The following TNPO3 variants were observed in gnomAD, a reference collection of about 807,000 sequenced individuals.
TNPO3 encodes the protein transportin 3.
A neutral mutation model predicts 122.8 loss-of-function variants in TNPO3; 65 were observed. The observed-to-expected ratio is 0.53, with a 90% CI of 0.43 to 0.65. The LOEUF is 0.65. Ranked by LOEUF, TNPO3 falls within the 30% of genes least tolerant of loss-of-function variation. TNPO3 has a pLI of 0.00. For missense variants in TNPO3, 850 were observed against 1,136.7 expected, an observed-to-expected ratio of 0.75 and a Z score of 3.63; for synonymous variants, 372 against 411.2, an observed-to-expected ratio of 0.90 and a Z score of 1.15.
chr7:129,022,676 A>G (rs1271783665), intron 1 of TNPO3, among the ~76,000 whole-genome samples: 1 of 152,198 alleles, frequency 6.6e-6, no homozygotes, highest in Admixed American at 6.5e-5. Flanking sequence ...AAAGGAAAAA[A>G]TTAGATTATC....
At chr7:129,025,455 C>T (rs1805029308) in intron 1 of TNPO3, among the ~76,000 whole-genome samples, 2 of 138,810 alleles carry the variant, frequency 1.4e-5, no homozygotes. Flanking sequence ...AGTATAAAAC[C>T]ATAAAGAAAC....
chr7:129,026,394 A>ATTT lies in TNPO3; in HGVS notation c.121-8240_121-8238dup, dbSNP rs969403916. Reference sequence around the variant, plus strand: ...TTCAAGCTCCTTTGATGACGTTTGAATTTTTTTTTTTTTTTTTTTTTTTTT... The same window carrying ATTT: ...TTCAAGCTCCTTTGATGACGTTTGAATTTTTTTTTTTTTTTTTTTTTTTTTTTT... On this transcript the variant is annotated intron_variant, in intron 1 of 22. Coordinates refer to ENST00000265388, the MANE Select transcript of TNPO3 (RefSeq NM_012470.4). Among the ~76,000 whole-genome samples the ATTT allele has an allele frequency of 3.1e-3, 292 of 94,620 alleles. 1 individual carries two copies. The highest frequency in any genetic ancestry group is 8.9e-3 in the African/African-American group (199 of 22,464). 62.1% of individuals were successfully genotyped at this position (94,620 alleles called of 152,430 possible). A position where few individuals can be genotyped will look rare whatever the true frequency, so the allele number is the denominator to read the frequency against.
chr7:129,050,944 A>G (rs1195284444), intron 1 of TNPO3, among the ~76,000 whole-genome samples: 1 of 152,238 alleles, frequency 6.6e-6, no homozygotes, highest in African/African-American at 2.4e-5. Flanking sequence ...TCCCTAGGAC[A>G]GTGTTTATGG....
At chr7:128,976,760 C>T (rs1585329257) in intron 16 of TNPO3, among the ~76,000 whole-genome samples, 1 of 152,328 alleles carries the variant, frequency 6.6e-6, no homozygotes, top group East Asian at 1.9e-4. Flanking sequence ...GATCTTATTA[C>T]ATAAATTCAA....
intron 4 of TNPO3, among the ~76,000 whole-genome samples, chr7:129,013,362 G>A (rs1456922287): frequency 6.7e-6 from 1 of 150,016 alleles, no homozygotes; most frequent in Non-Finnish European, 1.5e-5. Flanking sequence ...TACAGAATGG[G>A]AGGAAATATT....
At position 128,975,904 on chromosome 7, in the gene TNPO3, G is replaced by A. The variant is rs1377865762; in HGVS notation, c.2093C>T (p.Ser698Phe). The A allele has an allele frequency of 2.5e-6, 4 of 1,613,926 alleles. No homozygotes were observed. The highest frequency in any genetic ancestry group is 3.4e-6 in the Non-Finnish European group (4 of 1,179,774). ...GATACTGCCAAGGTACAGGAAGCAG[G>A]AATGCTGATGTACGTGGTACACATT... ...MVNVYHVHQH[S>F]CFLYLGSILV... Residue 698 changes from serine (S) to phenylalanine (F), a missense_variant, in exon 17 of 23, where the codon TCC (serine) becomes TTC (phenylalanine). Ser to Phe is a radical substitution (Grantham distance 155). Transcript: ENST00000265388.
chr7:128,982,995 C>G (rs1219561764), intron 13 of TNPO3, among the ~76,000 whole-genome samples: 1 of 152,042 alleles, frequency 6.6e-6, no homozygotes, highest in African/African-American at 2.4e-5. Flanking sequence ...TGATGATTAC[C>G]AATGTAAACT....
At chr7:129,031,322 GAAAT>G (rs1805922329) in intron 1 of TNPO3, among the ~76,000 whole-genome samples, 1 of 151,234 alleles carries the variant, frequency 6.6e-6, no homozygotes, top group Non-Finnish European at 1.5e-5. Flanking sequence ...AAGAAAGAAA[GAAAT>G]AAGAGGATTT....
chr7:129,015,659 C>T (rs1803757942), intron 3 of TNPO3, among the ~76,000 whole-genome samples: 1 of 151,820 alleles, frequency 6.6e-6, no homozygotes, highest in Non-Finnish European at 1.5e-5. Context: ...ACAGGGAGAC[C>T]GTTTCTACAT....
intron 1 of TNPO3, among the ~76,000 whole-genome samples, chr7:129,030,955 C>A (rs1345207864): frequency 6.6e-6 from 1 of 152,076 alleles, no homozygotes; most frequent in Non-Finnish European, 1.5e-5. Context: ...TTAACAACAA[C>A]AACAACAAAA....
chr7:129,045,860 A>G (rs554571125), intron 1 of TNPO3, among the ~76,000 whole-genome samples: 9 of 152,320 alleles, frequency 5.9e-5, no homozygotes, highest in South Asian at 2.1e-4. Context: ...GAAATGTTCT[A>G]TATTTGTACC....
intron 10 of TNPO3, among the ~76,000 whole-genome samples, chr7:128,990,929 A>G (rs1015553943): frequency 2.6e-5 from 4 of 152,214 alleles, no homozygotes; most frequent in Non-Finnish European, 5.9e-5. Flanking sequence ...GTCCTTTTAT[A>G]TGCACTAAAA....
At chr7:128,994,340 T>G (rs537789289) in intron 8 of TNPO3, among the ~76,000 whole-genome samples, 3 of 152,220 alleles carry the variant, frequency 2.0e-5, no homozygotes, top group African/African-American at 7.2e-5. Context: ...GTATTTTTAG[T>G]AGAGACAGGG....
chr7:128,997,094 C>A (rs1308557090), intron 8 of TNPO3, among the ~76,000 whole-genome samples: 1 of 152,126 alleles, frequency 6.6e-6, no homozygotes, highest in Admixed American at 6.5e-5. Context: ...GTAGAGTCTG[C>A]CAATCCTCCC....
At chr7:129,055,843 T>C, upstream of TNPO3, 4 of 566,510 alleles carry the variant, frequency 7.1e-6, no homozygotes, top group Non-Finnish European at 9.5e-6. Context: ...TATATTGATA[T>C]TAACATTGCT....
intron 1 of TNPO3, among the ~76,000 whole-genome samples, chr7:129,039,587 A>C (rs891281162): frequency 2.0e-5 from 3 of 152,168 alleles, no homozygotes; most frequent in Non-Finnish European, 4.4e-5. Context: ...AAGAGTTATC[A>C]TATAATCCAA....
At chr7:128,994,310 A>T (rs1297917991) in intron 8 of TNPO3, among the ~76,000 whole-genome samples, 1 of 152,018 alleles carries the variant, frequency 6.6e-6, no homozygotes, top group Non-Finnish European at 1.5e-5. Flanking sequence ...GACACACGCC[A>T]CCACACCCGA....
chr7:129,041,295 G>A (rs1292726805), intron 1 of TNPO3, among the ~76,000 whole-genome samples: 1 of 152,220 alleles, frequency 6.6e-6, no homozygotes, highest in Non-Finnish European at 1.5e-5. Context: ...CCAGTAGCTG[G>A]AGGCAGCAGC....
At chr7:129,008,527 G>A (rs910637815) in intron 4 of TNPO3, among the ~76,000 whole-genome samples, 27 of 151,870 alleles carry the variant, frequency 1.8e-4, no homozygotes, top group Non-Finnish European at 3.8e-4. Flanking sequence ...GGGATGCCAG[G>A]CACTAAAATG....
Sources: gnomAD v4.1 joint callset for allele counts (sites outside exome capture counted in the v4.1 genomes callset) on GRCh38, gnomAD v4.1.1 for gene constraint, MANE v1.5 for transcripts, NCBI Gene and HGNC (gene_info 2026-07-23, HGNC 2026-07-21) for gene names.